RAB30: variants seen among roughly 807,000 people sequenced by gnomAD.
RAB30 encodes the protein RAB30, member RAS oncogene family.
In RAB30, 9 loss-of-function variants were observed where a neutral mutation model predicts 25.1. The observed-to-expected ratio is 0.36, with a 90% CI of 0.22 to 0.63. The LOEUF is 0.63. Among genes scored for constraint, RAB30 ranks in the 20% least tolerant of loss-of-function variants. The probability of loss-of-function intolerance (pLI) is 0.69; values close to 1 mark genes in which losing one functional copy is unlikely to be tolerated. For missense variants in RAB30, 140 were observed against 243.5 expected, an observed-to-expected ratio of 0.58 and a Z score of 2.83; for synonymous variants, 77 against 86.4, an observed-to-expected ratio of 0.89 and a Z score of 0.60.
intron 1 of RAB30, among the ~76,000 whole-genome samples, chr11:83,060,944 A>C (rs1350283523): frequency 6.6e-6 from 1 of 152,168 alleles, no homozygotes; most frequent in African/African-American, 2.4e-5. Context: ...GCTGAAATAC[A>C]CTACACTCTT....
At chr11:83,042,842 A>G (rs976436366) in intron 1 of RAB30, among the ~76,000 whole-genome samples, 5 of 152,256 alleles carry the variant, frequency 3.3e-5, no homozygotes, top group Admixed American at 2.0e-4. Flanking sequence ...TCTTAAAAAT[A>G]TCATAAAACA....
In RAB30 at chr11:83,059,038, G is replaced by C. The variant is rs955208528; in HGVS notation, c.-9+12653C>G. 3.3e-5 allele frequency among the ~76,000 whole-genome samples: 5 copies of C among 152,304 alleles called. No individual in the cohort carries two copies. The East Asian group carries it at 7.7e-4, about 23-fold the overall frequency. On this transcript the variant is annotated intron_variant, in intron 1 of 4. Coordinates refer to ENST00000527633, the MANE Select transcript of RAB30 (RefSeq NM_001286060.2). ...GCTCACTGCAACCTCTGCCTTCCAG[G>C]CTCAAGTGATCCTCCTGCCTCAGCC...
chr11:83,038,108 T>C (rs141997283), intron 1 of RAB30, among the ~76,000 whole-genome samples: 74 of 152,252 alleles, frequency 4.9e-4, no homozygotes, highest in African/African-American at 1.5e-3. Flanking sequence ...AGTAATTGAA[T>C]AGGGAAAATG....
At chr11:83,045,665 G>A (rs1858219156) in intron 1 of RAB30, among the ~76,000 whole-genome samples, 2 of 152,166 alleles carry the variant, frequency 1.3e-5, no homozygotes, top group South Asian at 2.1e-4. Context: ...ACCTGTACAA[G>A]TTTTGTCTCC....
At chr11:83,057,187 C>T (rs1482250678) in intron 1 of RAB30, among the ~76,000 whole-genome samples, 7 of 150,112 alleles carry the variant, frequency 4.7e-5, no homozygotes, top group East Asian at 1.9e-4. Flanking sequence ...TTTTAAAATC[C>T]GGATCACTTG....
intron 1 of RAB30, among the ~76,000 whole-genome samples, chr11:83,004,338 T>C (rs771278369): frequency 6.6e-6 from 1 of 152,190 alleles, no homozygotes; most frequent in Non-Finnish European, 1.5e-5. Flanking sequence ...TTAATATAAA[T>C]TTGTTCCAAA....
intron 4 of RAB30, among the ~76,000 whole-genome samples, chr11:82,986,459 T>A (rs1856740464): frequency 6.6e-6 from 1 of 152,244 alleles, no homozygotes; most frequent in African/African-American, 2.4e-5. Flanking sequence ...TAGTAATGCT[T>A]TGACTCAAGT....
chr11:83,047,835 C>T (rs1005759388), intron 1 of RAB30, among the ~76,000 whole-genome samples: 1 of 152,170 alleles, frequency 6.6e-6, no homozygotes, highest in African/African-American at 2.4e-5. Flanking sequence ...TCCACCATCC[C>T]TCAGTAGAGC....
rs575182282 is a variant in RAB30, at chr11:83,058,360, C to A, written c.-9+13331G>T. Among the ~76,000 whole-genome samples the A allele has an allele frequency of 2.6e-5, 4 of 152,306 alleles. No homozygotes were observed. The East Asian group carries it at 7.7e-4, about 29-fold the overall frequency. On this transcript the variant is annotated intron_variant, in intron 1 of 4. Coordinates refer to ENST00000527633, the MANE Select transcript of RAB30 (RefSeq NM_001286060.2). ...TATGGCAAAAAATAAAATAAAATTTCTCTAATATCCAATCCAGGATCATAT... is the reference window on the plus strand; with the variant it reads ...TATGGCAAAAAATAAAATAAAATTTATCTAATATCCAATCCAGGATCATAT...
Position 83,067,355 on chromosome 11 carries a change from C to T in RAB30, c.-9+4336G>A, listed in dbSNP as rs1340127505. 2.0e-5 allele frequency among the ~76,000 whole-genome samples: 3 copies of T among 151,480 alleles called. No homozygotes were observed. In the East Asian group the frequency reaches 5.8e-4, roughly 29 times the overall value. On this transcript the variant is annotated intron_variant, in intron 1 of 4. Coordinates refer to ENST00000527633, the MANE Select transcript of RAB30 (RefSeq NM_001286060.2). The stretch of plus-strand genomic sequence containing the variant: ...TTGTACAGATGAGGAAACTAAAGCT[C>T]AGAAAAAAAAATGTGATATGTCCAA...
At chr11:83,047,011 C>T (rs571693757) in intron 1 of RAB30, among the ~76,000 whole-genome samples, 2 of 152,280 alleles carry the variant, frequency 1.3e-5, no homozygotes, top group South Asian at 2.1e-4. Flanking sequence ...CGGCTCTTCA[C>T]GCAGAGCAGT....
intron 1 of RAB30, among the ~76,000 whole-genome samples, chr11:83,066,437 T>TC (rs1343899875): frequency 6.6e-6 from 1 of 152,160 alleles, no homozygotes; most frequent in Admixed American, 6.5e-5. Context: ...AATGATTTTT[T>TC]TGAGAAACTG....
chr11:83,070,265 T>C (rs1452173005), intron 1 of RAB30, among the ~76,000 whole-genome samples: 2 of 152,196 alleles, frequency 1.3e-5, no homozygotes, highest in Admixed American at 1.3e-4. Context: ...AAGCTGCTCA[T>C]TGGCATCCCA....
chr11:83,032,275 T>C (rs1459706718), intron 1 of RAB30, among the ~76,000 whole-genome samples: 3 of 152,220 alleles, frequency 2.0e-5, no homozygotes, highest in Admixed American at 6.5e-5. Context: ...AGGTTTGTGC[T>C]TGCTTCTTGG....
At chr11:83,020,855 G>A (rs866114228) in intron 1 of RAB30, among the ~76,000 whole-genome samples, 6 of 151,576 alleles carry the variant, frequency 4.0e-5, no homozygotes, top group Non-Finnish European at 5.9e-5. Flanking sequence ...TCACTTTATG[G>A]CCTCCTCTCT....
In RAB30 at chr11:83,052,962, A is replaced by G. The variant is rs148873934; in HGVS notation, c.-9+18729T>C. Reference sequence around the variant, plus strand: ...AATATTAATATATTAATGTTTTAGTAAAAAAACTTTCCCTGTGACTTGGTG... The same window carrying G: ...AATATTAATATATTAATGTTTTAGTGAAAAAACTTTCCCTGTGACTTGGTG... On this transcript the variant is annotated intron_variant, in intron 1 of 4. Coordinates refer to ENST00000527633, the MANE Select transcript of RAB30 (RefSeq NM_001286060.2). Among the ~76,000 whole-genome samples, 232 of 152,270 alleles carry G rather than the reference A, an allele frequency of 1.5e-3. 2 individuals are homozygous for G. Among genetic ancestry groups the G allele is most frequent in the Admixed American group, 0.013 (200 of 15,300 alleles).
At chr11:82,996,794 G>A (rs1055821208) in intron 2 of RAB30, among the ~76,000 whole-genome samples, 3 of 152,232 alleles carry the variant, frequency 2.0e-5, no homozygotes, top group Admixed American at 2.0e-4. Flanking sequence ...CTGGGAGGAT[G>A]TAAGGGGGCA....
chr11:83,012,158 G>C (rs1366809564), intron 1 of RAB30, among the ~76,000 whole-genome samples: 2 of 152,180 alleles, frequency 1.3e-5, no homozygotes, highest in South Asian at 2.1e-4. Context: ...GAGGAAAAAA[G>C]CTGCTGTGTT....
chr11:83,047,889 T>C (rs1246586409), intron 1 of RAB30, among the ~76,000 whole-genome samples: 2 of 152,200 alleles, frequency 1.3e-5, no homozygotes, highest in African/African-American at 4.8e-5. Flanking sequence ...CACACTTCAT[T>C]GTCATACTGT....
Sources: gnomAD v4.1 joint callset for allele counts (sites outside exome capture counted in the v4.1 genomes callset) on GRCh38, gnomAD v4.1.1 for gene constraint, MANE v1.5 for transcripts, NCBI Gene and HGNC (gene_info 2026-07-23, HGNC 2026-07-21) for gene names.